Variants in TMEM114 observed in about 807,000 individuals in gnomAD.
TMEM114 encodes the protein transmembrane protein 114, also known as claudin-26.
Under a neutral mutation model 6.2 loss-of-function variants are expected in TMEM114, and 6 were observed. That is an observed-to-expected ratio of 0.97 (90% CI 0.53 to 1.91). The LOEUF (loss-of-function observed/expected upper bound fraction) is 1.91, where lower values mean the gene tolerates loss of function less well. Ranked by LOEUF, TMEM114 falls within the 40% of genes most tolerant of loss-of-function variation. TMEM114 has a pLI of 0.01. For missense variants in TMEM114, 218 were observed against 158.3 expected (o/e 1.38, Z -2.02); for synonymous variants, 104 against 73.0 (o/e 1.42, Z -2.16).
At chr16:8,528,069 C>T in the TMEM114 span, among the ~76,000 whole-genome samples, 5 of 152,132 alleles carry the variant, frequency 3.3e-5, no homozygotes, top group Non-Finnish European at 5.9e-5. Context: ...CCACCATGCC[C>T]GGCTAAGTTT....
chr16:8,568,442 T>C (rs1901617104), downstream of TMEM114, among the ~76,000 whole-genome samples: 1 of 152,086 alleles, frequency 6.6e-6, no homozygotes, highest in Non-Finnish European at 1.5e-5. Flanking sequence ...GGTGATGTCA[T>C]GGCATGGTGG....
At chr16:8,571,750 G>C (rs563201661) in intron 3 of TMEM114, among the ~76,000 whole-genome samples, 1 of 152,160 alleles carries the variant, frequency 6.6e-6, no homozygotes, top group Admixed American at 6.5e-5. Flanking sequence ...CAGCAGAATA[G>C]AGCGAGGGTG....
the TMEM114 span, among the ~76,000 whole-genome samples, chr16:8,527,478 T>A: frequency 6.6e-6 from 1 of 152,170 alleles, no homozygotes; most frequent in Non-Finnish European, 1.5e-5. Context: ...CCCCGTGGAT[T>A]TGCTGTGAGC....
At chr16:8,583,844 C>G (rs1013145944) in intron 2 of TMEM114, among the ~76,000 whole-genome samples, 5 of 152,130 alleles carry the variant, frequency 3.3e-5, no homozygotes, top group African/African-American at 9.7e-5. Flanking sequence ...CACCTGATGA[C>G]AGCACCTTGA....
At chr16:8,529,542 T>A in the TMEM114 span, among the ~76,000 whole-genome samples, 143 of 152,272 alleles carry the variant, frequency 9.4e-4, no homozygotes, top group African/African-American at 3.4e-3. Context: ...GGGTTGTTTG[T>A]TTAAATGCTG....
intron 2 of TMEM114, among the ~76,000 whole-genome samples, chr16:8,587,506 G>A (rs1183715589): frequency 2.0e-5 from 3 of 152,192 alleles, no homozygotes; most frequent in Non-Finnish European, 4.4e-5. Flanking sequence ...GGAGATTCCA[G>A]GTGGAGGGAA....
At chr16:8,529,148 G>A in the TMEM114 span, among the ~76,000 whole-genome samples, 8 of 152,154 alleles carry the variant, frequency 5.3e-5, no homozygotes, top group African/African-American at 1.9e-4. Context: ...GAGAAGCAAG[G>A]ATGACCAAAA....
chr16:8,560,471 A>T (rs1253731600), intron 2 of TMEM114, among the ~76,000 whole-genome samples: 1 of 152,212 alleles, frequency 6.6e-6, no homozygotes, highest in Non-Finnish European at 1.5e-5. Flanking sequence ...TTTGCATGCC[A>T]GGGTGGCCCA....
chr16:8,557,456 G>T (rs1596474896), intron 2 of TMEM114, among the ~76,000 whole-genome samples: 1 of 152,146 alleles, frequency 6.6e-6, no homozygotes, highest in South Asian at 2.1e-4. Context: ...TGCTGTTCCA[G>T]CTCCAGCTAC....
intron 2 of TMEM114, among the ~76,000 whole-genome samples, chr16:8,572,907 C>A (rs763376557): frequency 6.6e-6 from 1 of 152,202 alleles, no homozygotes; most frequent in Admixed American, 6.5e-5. Context: ...GATCTAAAAA[C>A]CCCTGTGGTC....
chr16:8,536,064 A>G (rs1596463093), downstream of TMEM114, among the ~76,000 whole-genome samples: 1 of 152,102 alleles, frequency 6.6e-6, no homozygotes, highest in East Asian at 1.9e-4. Context: ...CGTCTCTACT[A>G]AAAATACAAA....
chr16:8,577,760 T>A (rs77719289), intron 2 of TMEM114, among the ~76,000 whole-genome samples: 13,494 of 151,730 alleles, frequency 0.089, 734 homozygotes, highest in Middle Eastern at 0.19. Flanking sequence ...ATTTTTGTAT[T>A]TTTTTTAGTA....
At chr16:8,583,269 A>C (rs1010982934) in intron 2 of TMEM114, among the ~76,000 whole-genome samples, 1 of 152,324 alleles carries the variant, frequency 6.6e-6, no homozygotes, top group Non-Finnish European at 1.5e-5. Context: ...TGGGTCTGCG[A>C]TGATTAGCTC....
chr16:8,532,936 AAAAATAAAG>A (rs1433395519), downstream of TMEM114, among the ~76,000 whole-genome samples: 6 of 152,206 alleles, frequency 3.9e-5, no homozygotes, highest in Admixed American at 6.5e-5. Flanking sequence ...AAAAAGGAAA[AAAAATAAAG>A]AAAAGAAATA....
chr16:8,576,808 T>G (rs779624870), intron 2 of TMEM114, among the ~76,000 whole-genome samples: 16 of 152,106 alleles, frequency 1.1e-4, no homozygotes, highest in Non-Finnish European at 2.2e-4. Flanking sequence ...TGCTTTATTT[T>G]GGGATGGGTA....
At chr16:8,561,956 GGGAGGGAGGGAA>G in intron 2 of TMEM114, among the ~76,000 whole-genome samples, 1 of 151,384 alleles carries the variant, frequency 6.6e-6, no homozygotes, top group African/African-American at 2.4e-5. Flanking sequence ...GAGTGAATGA[GGGAGGGAGGGAA>G]TGAGTGAGTG....
chr16:8,551,418 G>C (rs1378354367), intron 2 of TMEM114, among the ~76,000 whole-genome samples: 1 of 152,180 alleles, frequency 6.6e-6, no homozygotes, highest in East Asian at 1.9e-4. Flanking sequence ...TCTCTACACT[G>C]TTATAGTTAA....
rs914364108 is a variant in TMEM114, at chr16:8,579,571, G to T, written c.302-7347C>A. 3.9e-5 allele frequency among the ~76,000 whole-genome samples: 6 copies of T among 152,224 alleles called. No individual in the cohort carries two copies. In the East Asian group the frequency reaches 1.2e-3, roughly 29 times the overall value. On this transcript the variant is annotated intron_variant, in intron 2 of 3. Coordinates refer to ENST00000620492, the MANE Select transcript of TMEM114 (RefSeq NM_001146336.2). Reference sequence around the variant, plus strand: ...AGAGCAGGAGTCTCCGAGCAAAGACGTGGGTTCAAATCCTGACTCCGCCTC... The same window carrying T: ...AGAGCAGGAGTCTCCGAGCAAAGACTTGGGTTCAAATCCTGACTCCGCCTC...
chr16:8,549,409 A>C (rs1164577713), intron 2 of TMEM114, among the ~76,000 whole-genome samples: 1 of 151,116 alleles, frequency 6.6e-6, no homozygotes, highest in East Asian at 1.9e-4. Flanking sequence ...CTGAGGAAGG[A>C]GAATCGCTTG....
Sources: allele counts gnomAD v4.1 joint callset (sites outside exome capture counted in the v4.1 genomes callset), GRCh38; gene constraint gnomAD v4.1.1; transcripts MANE v1.5; gene names NCBI Gene and HGNC (gene_info 2026-07-23, HGNC 2026-07-21).